Variants in PPARA observed in about 807,000 individuals in gnomAD.
PPARA encodes the protein peroxisome proliferator activated receptor alpha.
A neutral mutation model predicts 42.2 loss-of-function variants in PPARA; 22 were observed. The ratio of observed to expected loss-of-function variants is 0.52; its 90% confidence interval spans 0.37 to 0.74. PPARA has a LOEUF of 0.74. PPARA is among the 30% of genes least tolerant of loss of function. The pLI, the probability that PPARA is intolerant of heterozygous loss-of-function variation, is 0.00. For synonymous variants in PPARA, 242 were observed against 239.3 expected, an observed-to-expected ratio of 1.01 and a Z score of -0.10; for missense variants, 465 against 608.2, an observed-to-expected ratio of 0.76 and a Z score of 2.48.
Position 46,198,394 on chromosome 22 carries a change from C to CG in PPARA, c.13dup (p.Glu5GlyfsTer21). 6.2e-7 allele frequency: 1 copy of CG among 1,613,850 alleles called. No individual in the cohort carries two copies. Among genetic ancestry groups the CG allele is most frequent in the Non-Finnish European group, 8.5e-7 (1 of 1,179,884 alleles). ...CACCATCTGGTCGCGATGGTGGACACGGAAAGCCCACTCTGCCCCCTCTCC... is the reference window on the plus strand; with the variant it reads ...CACCATCTGGTCGCGATGGTGGACACGGGAAAGCCCACTCTGCCCCCTCTCC... On this transcript the variant is annotated frameshift_variant, in exon 4 of 9. Coordinates refer to ENST00000407236, the MANE Select transcript of PPARA (RefSeq NM_005036.6). LOFTEE classifies it high-confidence loss of function.
rs756637826 is a variant in PPARA at position 46,198,472 on chromosome 22, A to C, written c.89A>C (p.Glu30Ala). 1 of 1,613,886 alleles carries C rather than the reference A, an allele frequency of 6.2e-7. No homozygotes were observed. Among genetic ancestry groups the C allele is most frequent in the Non-Finnish European group, 8.5e-7 (1 of 1,179,944 alleles). ...CCGTTATCTGAAGAGTTCCTGCAAG[A>C]AATGGGAAACATCCAAGAGATTTCG... ...ESPLSEEFLQ[E>A]MGNIQEISQS... Residue 30 changes from glutamate (E) to alanine (A), a missense_variant, in exon 4 of 9, where the codon GAA becomes GCA. Around this residue, in one of 2 missense-constraint regions of PPARA, gnomAD observed 152 missense variants for 139.1 expected, o/e 1.09. Coordinates refer to ENST00000407236, the MANE Select transcript of PPARA (RefSeq NM_005036.6).
chr22:46,194,408 T>C (rs1931948373), intron 3 of PPARA, among the ~76,000 whole-genome samples: 1 of 152,128 alleles, frequency 6.6e-6, no homozygotes, highest in South Asian at 2.1e-4. Context: ...AACATTGTTT[T>C]ATTGGTCGAT....
rs776770520 is a variant in PPARA at position 46,183,174 on chromosome 22, C to T, written c.-43+6338C>T. On this transcript the variant is annotated intron_variant, in intron 3 of 8. Transcript: ENST00000407236. This position sits in a 1 kb window ranked among gnomAD's most constrained non-coding sequence, Gnocchi z 5.5. Reference sequence around the variant, plus strand: ...AATGTGGCGGTGCTTACAGAAATGACTCCATCTGCTAAATGAGTAAATGGG... The same window carrying T: ...AATGTGGCGGTGCTTACAGAAATGATTCCATCTGCTAAATGAGTAAATGGG... Among the ~76,000 whole-genome samples, 1 of 152,222 alleles carries T rather than the reference C, an allele frequency of 6.6e-6. No homozygotes were observed. Among genetic ancestry groups the T allele is most frequent in the Non-Finnish European group, 1.5e-5 (1 of 68,038 alleles).
rs942584557 is a variant in PPARA, at chr22:46,167,846, C to G, written c.-126-8907C>G. 2.6e-5 allele frequency among the ~76,000 whole-genome samples: 4 copies of G among 151,072 alleles called. No individual in the cohort carries two copies. Among genetic ancestry groups the G allele is most frequent in the African/African-American group, 9.8e-5 (4 of 40,968 alleles). On this transcript the variant is annotated intron_variant, in intron 2 of 8. Coordinates refer to ENST00000407236, the MANE Select transcript of PPARA (RefSeq NM_005036.6). This position sits in a 1 kb window ranked among gnomAD's most constrained non-coding sequence, Gnocchi z 4.1. ...TAGCTTGAGGCCAGGAGTCCGAGAG[C>G]AGCCTGGGCAACATAACAAGAGTGG...
At position 46,168,351 on chromosome 22, in the gene PPARA, C is replaced by CAAAA. The variant is rs35345592; in HGVS notation, c.-126-8378_-126-8375dup. 9.0e-3 allele frequency among the ~76,000 whole-genome samples: 130 copies of CAAAA among 14,380 alleles called. 17 individuals carry two copies. The highest frequency in any genetic ancestry group is 0.026 in the African/African-American group (121 of 4,642). The allele number at this position is 14,380 out of a possible 152,430, so 9.4% of individuals were successfully genotyped here. A position where few individuals can be genotyped will look rare whatever the true frequency, so the allele number is the denominator to read the frequency against. On this transcript the variant is annotated intron_variant, in intron 2 of 8. Transcript: ENST00000407236. The stretch of plus-strand genomic sequence containing the variant: ...TGGACAACAGAGCGAGACTCCATCT[C>CAAAA]AAAAAAAAAAAAAAAAAAAAAAAAA...
rs1439689056 is a variant in PPARA, at chr22:46,161,190, A to G, written c.-127+9220A>G. Among the ~76,000 whole-genome samples the G allele has an allele frequency of 3.3e-5, 5 of 151,844 alleles. No homozygotes were observed. The highest frequency in any genetic ancestry group is 4.4e-5 in the Non-Finnish European group (3 of 67,972). On this transcript the variant is annotated intron_variant, in intron 2 of 8. Coordinates refer to ENST00000407236, the MANE Select transcript of PPARA (RefSeq NM_005036.6). The surrounding 1 kb of genome is among the most constrained non-coding windows in gnomAD (Gnocchi z 4.8). ...CTCAAAACCTAGGAAGTGGATGGAG[A>G]CTCTTTTTGGAATGAATGAATTCAA...
rs1936127025 is a variant in PPARA, at chr22:46,235,051, A to AGGCATGTTTGGTTCCTGAAACTGATAAG, written c.1160-81_1160-54dup. ...TTTTCTAAGAAAGGCCACATAAAAT[A>AGGCATGTTTGGTTCCTGAAACTGATAAG]GGCATGTTTGGTTCCTGAAACTGAT... On this transcript the variant is annotated intron_variant, in intron 8 of 8. Transcript: ENST00000407236. This position sits in a 1 kb window ranked among gnomAD's most constrained non-coding sequence, Gnocchi z 7.0. 15 of 1,575,150 alleles carry AGGCATGTTTGGTTCCTGAAACTGATAAG rather than the reference A, an allele frequency of 9.5e-6. No homozygotes were observed. The South Asian group carries it at 1.6e-4, about 16-fold the overall frequency.
chr22:46,220,310 T>G (rs1413059450), intron 7 of PPARA: 4 of 408,008 alleles, frequency 9.8e-6, no homozygotes, highest in Non-Finnish European at 1.8e-5. Context: ...AGATGATTTC[T>G]TAGGAGCATT....
In PPARA at chr22:46,243,403, C is replaced by A. The variant is rs748737348; in HGVS notation, c.*8023C>A. 2.0e-5 allele frequency: 3 copies of A among 152,198 alleles called. No individual in the cohort carries two copies. The highest frequency in any genetic ancestry group is 4.4e-5 in the Non-Finnish European group (3 of 68,046). The allele number at this position is 152,198 out of a possible 1,614,324, so 9.4% of individuals were successfully genotyped here. The stretch of plus-strand genomic sequence containing the variant: ...GTAGGAACTGCCACACAGGCCCCAG[C>A]ATCCTCTCTCCAACTTCATACCTCT... On this transcript the variant is annotated 3_prime_UTR_variant, in exon 9 of 9. Transcript: ENST00000407236. The surrounding 1 kb of genome is among the most constrained non-coding windows in gnomAD (Gnocchi z 5.0).
intron 4 of PPARA, among the ~76,000 whole-genome samples, chr22:46,214,820 G>A (rs1171682925): frequency 1.3e-5 from 2 of 150,516 alleles, no homozygotes; most frequent in Non-Finnish European, 3.0e-5. Context: ...ATGTGGGAAT[G>A]AGGAGATGTG....
chr22:46,191,950 A>G lies in PPARA; in HGVS notation c.-42-6392A>G, dbSNP rs1365686259. On this transcript the variant is annotated intron_variant, in intron 3 of 8. Transcript: ENST00000407236. This position sits in a 1 kb window ranked among gnomAD's most constrained non-coding sequence, Gnocchi z 4.6. ...CGTGGTGGCGCACGCCCGTAGTCCCAGCTACTCAGGAGGCTGAGGCAGGAG... is the reference window on the plus strand; with the variant it reads ...CGTGGTGGCGCACGCCCGTAGTCCCGGCTACTCAGGAGGCTGAGGCAGGAG... 6.6e-6 allele frequency among the ~76,000 whole-genome samples: 1 copy of G among 152,228 alleles called. No individual in the cohort carries two copies. The highest frequency in any genetic ancestry group is 6.5e-5 in the Admixed American group (1 of 15,276).
intron 3 of PPARA, among the ~76,000 whole-genome samples, chr22:46,181,495 G>T (rs1360470910): frequency 6.6e-6 from 1 of 152,148 alleles, no homozygotes; most frequent in Non-Finnish European, 1.5e-5. Context: ...CACAAAGGGC[G>T]GGATGGGAGG....
chr22:46,185,963 A>ATATATATATT (rs1930737350), intron 3 of PPARA, among the ~76,000 whole-genome samples: 1 of 51,554 alleles, frequency 1.9e-5, no homozygotes, highest in Non-Finnish European at 5.0e-5. Context: ...ATATATATAT[A>ATATATATATT]TACACACACA....
rs188301950 is a variant in PPARA at position 46,175,059 on chromosome 22, G to A, written c.-126-1694G>A. On this transcript the variant is annotated intron_variant, in intron 2 of 8. Coordinates refer to ENST00000407236, the MANE Select transcript of PPARA (RefSeq NM_005036.6). ...CCTGAGTAGCTGGGTTCATAGGCGT[G>A]CACCACACCTGGCTCGTTTTTATAT... Among the ~76,000 whole-genome samples the A allele has an allele frequency of 1.3e-3, 197 of 152,016 alleles. 1 individual carries two copies. The highest frequency in any genetic ancestry group is 4.4e-3 in the African/African-American group (181 of 41,434).
chr22:46,220,255 T>C (rs941757976), intron 7 of PPARA: 32 of 552,958 alleles, frequency 5.8e-5, no homozygotes, highest in African/African-American at 5.5e-4. Flanking sequence ...ACTGGCTATG[T>C]AATTAATACA....
rs762405699 is a variant in PPARA, at chr22:46,232,106, A to G, written c.1026A>G (p.Glu342=). The G allele has an allele frequency of 6.2e-7, 1 of 1,614,244 alleles. No individual in the cohort carries two copies. Among genetic ancestry groups the G allele is most frequent in the Admixed American group, 1.7e-5 (1 of 60,028 alleles). The part of the protein sequence containing the change: ...VAYGNGFITR[E]FLKSLRKPFC... ...ATGGAAATGGGTTTATAACTCGTGA[A>G]TTCCTAAAAAGCCTAAGGAAACCGT... Residue 342 remains glutamate, a synonymous_variant, in exon 8 of 9, where the codon GAA becomes GAG. Coordinates refer to ENST00000407236, the MANE Select transcript of PPARA (RefSeq NM_005036.6). The surrounding 1 kb of genome is among the most constrained non-coding windows in gnomAD (Gnocchi z 5.3).
Position 46,240,326 on chromosome 22 carries a change from C to T in PPARA, c.*4946C>T, listed in dbSNP as rs1198237073. The T allele has an allele frequency of 1.3e-5, 5 of 398,168 alleles. No homozygotes were observed. The highest frequency in any genetic ancestry group is 8.8e-5 in the Admixed American group (2 of 22,702). 24.7% of individuals were successfully genotyped at this position (398,168 alleles called of 1,614,324 possible). Reference sequence around the variant, plus strand: ...GTAGGGCCTGCTGGGTGTTGCTAGCCGCTGGTCCCCAGGCACGGTGCACTT... The same window carrying T: ...GTAGGGCCTGCTGGGTGTTGCTAGCTGCTGGTCCCCAGGCACGGTGCACTT... On this transcript the variant is annotated 3_prime_UTR_variant, in exon 9 of 9. Coordinates refer to ENST00000407236, the MANE Select transcript of PPARA (RefSeq NM_005036.6). The surrounding 1 kb of genome is among the most constrained non-coding windows in gnomAD (Gnocchi z 6.0).
chr22:46,208,361 A>G (rs1933595874), intron 4 of PPARA, among the ~76,000 whole-genome samples: 1 of 152,074 alleles, frequency 6.6e-6, no homozygotes, highest in Admixed American at 6.6e-5. Flanking sequence ...TAGCCTGGCC[A>G]ACATGGTGAA....
chr22:46,221,543 T>C lies in PPARA; in HGVS notation c.711+1529T>C, dbSNP rs1164315601. 6.6e-6 allele frequency among the ~76,000 whole-genome samples: 1 copy of C among 152,188 alleles called. No homozygotes were observed. Among genetic ancestry groups the C allele is most frequent in the Admixed American group, 6.5e-5 (1 of 15,268 alleles). ...AGCCAGGCGTGGTGGCTCACGCCTG[T>C]CATCCCAGCACTTTGGGAGGCCAAG... is the stretch of plus-strand genomic sequence containing the variant. On this transcript the variant is annotated intron_variant, in intron 7 of 8. Coordinates refer to ENST00000407236, the MANE Select transcript of PPARA (RefSeq NM_005036.6). The surrounding 1 kb of genome is among the most constrained non-coding windows in gnomAD (Gnocchi z 5.9).
Sources: allele counts gnomAD v4.1 joint callset (sites outside exome capture counted in the v4.1 genomes callset), GRCh38; gene constraint gnomAD v4.1.1; regional missense constraint gnomAD v4.1.1; non-coding constraint Gnocchi (gnomAD v3.1); transcripts MANE v1.5; gene names NCBI Gene and HGNC (gene_info 2026-07-23, HGNC 2026-07-21).